The following RBFA variants were observed in gnomAD, a reference collection of about 807,000 sequenced individuals.
RBFA encodes the protein ribosome binding factor A.
RBFA carries 16 observed loss-of-function variants against 27.9 expected under a neutral mutation model. The ratio of observed to expected loss-of-function variants is 0.57; its 90% CI spans 0.39 to 0.87. The LOEUF is 0.87. Among genes scored for constraint, RBFA ranks in the 40% least tolerant of loss-of-function variants. The probability of loss-of-function intolerance (pLI) is 0.00; values close to 1 mark genes in which losing one functional copy is unlikely to be tolerated. For synonymous variants in RBFA, 181 were observed against 181.0 expected, an observed-to-expected ratio of 1.00 and a Z score of 0.00; for missense variants, 456 against 432.1, an observed-to-expected ratio of 1.06 and a Z score of -0.49.
chr18:80,038,684 C>A, intron 4 of RBFA, 67 bp downstream of exon 4: 1 of 1,167,074 alleles, frequency 8.6e-7, no homozygotes, highest in Non-Finnish European at 1.2e-6. Context: ...AGCTGTTTCA[C>A]TTGTAGGTGG....
Position 80,045,925 on chromosome 18 carries a change from G to C in RBFA, c.802G>C (p.Val268Leu). ...GLGGLVWQGQ[V>L]AELTTQMKKG... ...CGGGGGCCTGGTGTGGCAGGGGCAG[G>C]TGGCTGAGCTGACAACGCAGATGAA... The change falls in exon 7 of 7, where the codon GTG (valine) becomes CTG (leucine). Residue 268 changes from valine (V) to leucine (L), a missense_variant. By Grantham distance (32) the Val-to-Leu change is conservative. Transcript: ENST00000306735. 1.2e-6 allele frequency: 2 copies of C among 1,613,880 alleles called. No homozygotes were observed. The highest frequency in any genetic ancestry group is 2.2e-5 in the South Asian group (2 of 91,064).
At chr18:80,039,614 A>G (rs2052003543) in intron 4 of RBFA, among the ~76,000 whole-genome samples, 1 of 152,260 alleles carries the variant, frequency 6.6e-6, no homozygotes, top group Non-Finnish European at 1.5e-5. Flanking sequence ...AGTGAAAATC[A>G]GAATTTTAGG....
intron 4 of RBFA, chr18:80,041,420 G>C (rs568226056): frequency 6.6e-6 from 1 of 152,294 alleles, no homozygotes; most frequent in Admixed American, 6.5e-5. Flanking sequence ...TGATGTGCAT[G>C]ATACAAATAT....
intron 1 of RBFA, 134 bp from the exon 2 acceptor site, chr18:80,036,534 T>G: frequency 2.0e-6 from 1 of 503,302 alleles, no homozygotes; most frequent in Non-Finnish European, 3.5e-6. Context: ...TTCTGAAATT[T>G]TTTAAGATGT....
intron 2 of RBFA, among the ~76,000 whole-genome samples, chr18:80,037,091 A>G (rs2051984351): frequency 6.6e-6 from 1 of 152,248 alleles, no homozygotes; most frequent in South Asian, 2.1e-4. Flanking sequence ...ATATCTCAAC[A>G]AAAACTTTTT....
rs1249521440 is a variant in RBFA, at chr18:80,050,155, T to C, written c.*4000T>C. Among the ~76,000 whole-genome samples, 1 of 152,020 alleles carries C rather than the reference T, an allele frequency of 6.6e-6. No individual in the cohort carries two copies. The highest frequency in any genetic ancestry group is 1.5e-5 in the Non-Finnish European group (1 of 68,006). ...CCTTGAAGGAGAGAGGGCTTGAGTG[T>C]ATTTTGGGGGAAGAATGAGGGGACA... On this transcript the variant is annotated 3_prime_UTR_variant, in exon 7 of 7. Coordinates refer to ENST00000306735, the MANE Select transcript of RBFA (RefSeq NM_024805.3).
Position 80,037,390 on chromosome 18 carries a change from G to T in RBFA, c.262G>T (p.Glu88Ter), listed in dbSNP as rs763770855. The change falls in exon 3 of 7, where the codon GAA becomes TAA. Residue 88 changes from glutamate (E) to a stop codon, truncating the protein, a stop_gained. Transcript: ENST00000306735. LOFTEE classifies it high-confidence loss of function. ...GAGCACCTCAAAGAAAACCAGGAAG[G>T]AAGACCATGCGCGCCTGAGGGCCCT... ...MRSTSKKTRK[E>*]DHARLRALNG... is the part of the protein sequence containing the mutation. 3 of 1,614,128 alleles carry T rather than the reference G, an allele frequency of 1.9e-6. No individual in the cohort carries two copies. The highest frequency in any genetic ancestry group is 2.5e-6 in the Non-Finnish European group (3 of 1,180,024).
In RBFA at chr18:80,045,972, G is replaced by A. The variant is rs769762932; in HGVS notation, c.849G>A (p.Lys283=). ...TQMKKGRKRA[K]PRLEQDSSLK... is the part of the protein sequence containing the mutation. Reference sequence around the variant, plus strand: ...TGAAAAAGGGAAGGAAGAGGGCCAAGCCCCGCCTGGAGCAGGACAGCTCCC... The same window carrying A: ...TGAAAAAGGGAAGGAAGAGGGCCAAACCCCGCCTGGAGCAGGACAGCTCCC... The change falls in exon 7 of 7, where the codon AAG becomes AAA. Residue 283 remains lysine (K), a synonymous_variant. Transcript: ENST00000306735. 1.9e-5 allele frequency: 30 copies of A among 1,614,060 alleles called. No homozygotes were observed. In the South Asian group the frequency reaches 3.3e-4, roughly 18 times the overall value.
At position 80,037,506 on chromosome 18, in the gene RBFA, G is replaced by T. The variant is rs747227340; in HGVS notation, c.378G>T (p.Lys126Asn). The T allele has an allele frequency of 1.3e-5, 20 of 1,599,148 alleles. No individual in the cohort carries two copies. The East Asian group carries it at 4.5e-4, about 36-fold the overall frequency. Residue 126 changes from lysine to asparagine, a missense_variant and splice_region_variant, in exon 3 of 7, where the codon AAG becomes AAT. Transcript: ENST00000306735. Reference protein sequence around the residue: ...ELYDLNVELSKVSLTPDFSAC... With the variant: ...ELYDLNVELSNVSLTPDFSAC... ...ATGACCTTAACGTGGAGCTCTCCAA[G>T]GTAGGCTGTGTGGCCAAAGAGAAGA...
At position 80,037,374 on chromosome 18, in the gene RBFA, A is replaced by C; in HGVS notation, c.246A>C (p.Ser82=). The C allele has an allele frequency of 6.2e-7, 1 of 1,614,092 alleles. No homozygotes were observed. ...TGGAATTCCTCATGAGGAGCACCTCAAAGAAAACCAGGAAGGAAGACCATG... is the reference window on the plus strand; with the variant it reads ...TGGAATTCCTCATGAGGAGCACCTCCAAGAAAACCAGGAAGGAAGACCATG... ...SKLEFLMRST[S]KKTRKEDHAR... Residue 82 remains serine, a synonymous_variant, in exon 3 of 7, where the codon TCA becomes TCC. Coordinates refer to ENST00000306735, the MANE Select transcript of RBFA (RefSeq NM_024805.3).
At chr18:80,034,831 G>A (rs1419763984) in intron 1 of RBFA, 178 bp downstream of exon 1, 4 of 629,080 alleles carry the variant, frequency 6.4e-6, no homozygotes, top group African/African-American at 5.9e-5. Context: ...TTTTGTGTTC[G>A]TGGACGTGTG....
Position 80,046,268 on chromosome 18 carries a change from TCAA to T in RBFA, c.*116_*118del, listed in dbSNP as rs2052053549. ...TTAAACCATCTGCTCTTCTGCTACT[TCAA>T]CATTTTCTAGCTTTTCCGTGTATCT... On this transcript the variant is annotated 3_prime_UTR_variant, in exon 7 of 7. Coordinates refer to ENST00000306735, the MANE Select transcript of RBFA (RefSeq NM_024805.3). The T allele has an allele frequency of 3.3e-6, 4 of 1,214,324 alleles. No homozygotes were observed. The East Asian group carries it at 1.0e-4, about 31-fold the overall frequency. 75.2% of individuals were successfully genotyped at this position (1,214,324 alleles called of 1,614,324 possible). A position where few individuals can be genotyped will look rare whatever the true frequency, so the allele number is the denominator to read the frequency against.
In RBFA at chr18:80,048,617, C is replaced by T. The variant is rs2145153075; in HGVS notation, c.*2462C>T. On this transcript the variant is annotated 3_prime_UTR_variant, in exon 7 of 7. Coordinates refer to ENST00000306735, the MANE Select transcript of RBFA (RefSeq NM_024805.3). Reference sequence around the variant, plus strand: ...GAAGGTAGAGTTAGGCCCAGAGAGCCCCAGGCTGCTGCCCAGACCTCCACG... The same window carrying T: ...GAAGGTAGAGTTAGGCCCAGAGAGCTCCAGGCTGCTGCCCAGACCTCCACG... Among the ~76,000 whole-genome samples the T allele has an allele frequency of 6.6e-6, 1 of 152,312 alleles. No individual in the cohort carries two copies. Among genetic ancestry groups the T allele is most frequent in the South Asian group, 2.1e-4 (1 of 4,830 alleles).
At chr18:80,037,560 T>TA in intron 3 of RBFA, 54 bp downstream of exon 3, 1 of 1,486,670 alleles carries the variant, frequency 6.7e-7, no homozygotes, top group Non-Finnish European at 9.2e-7. Flanking sequence ...GCCTGGCACT[T>TA]ACTTTACCTG....
chr18:80,041,854 G>A, intron 4 of RBFA: 1 of 170,780 alleles, frequency 5.9e-6, no homozygotes, highest in Non-Finnish European at 1.3e-5. Flanking sequence ...AGCCTCCCGA[G>A]TAGCTGGGAC....
chr18:80,045,750 G>A, intron 6 of RBFA, 24 bp from the exon 7 acceptor site: 3 of 1,510,424 alleles, frequency 2.0e-6, no homozygotes, highest in South Asian at 2.7e-5. Flanking sequence ...TGTGCTTGGT[G>A]TGAAGCCTCT....
At chr18:80,039,751 A>G (rs1036057908) in intron 4 of RBFA, among the ~76,000 whole-genome samples, 2 of 152,222 alleles carry the variant, frequency 1.3e-5, no homozygotes, top group African/African-American at 4.8e-5. Context: ...TAAAATCTGC[A>G]TAACTAGGTG....
rs752167329 is a variant in RBFA, at chr18:80,049,345, C to T, written c.*3190C>T. Among the ~76,000 whole-genome samples, 2 of 152,110 alleles carry T rather than the reference C, an allele frequency of 1.3e-5. No individual in the cohort carries two copies. Among genetic ancestry groups the T allele is most frequent in the Non-Finnish European group, 2.9e-5 (2 of 67,988 alleles). Reference sequence around the variant, plus strand: ...AGCAGGTTAGGGACATGGAAGCTCACGCCCTTCTGAATGGGTCCACTCCCG... The same window carrying T: ...AGCAGGTTAGGGACATGGAAGCTCATGCCCTTCTGAATGGGTCCACTCCCG... On this transcript the variant is annotated 3_prime_UTR_variant, in exon 7 of 7. Transcript: ENST00000306735.
chr18:80,036,611 C>T, intron 1 of RBFA, 57 bp from the exon 2 acceptor site: 2 of 1,294,888 alleles, frequency 1.5e-6, no homozygotes, highest in Non-Finnish European at 2.2e-6. Flanking sequence ...CTTAAATTAG[C>T]TTATGTAACT....
Sources: allele counts gnomAD v4.1 joint callset (sites outside exome capture counted in the v4.1 genomes callset), GRCh38; gene constraint gnomAD v4.1.1; transcripts MANE v1.5; gene names NCBI Gene and HGNC (gene_info 2026-07-23, HGNC 2026-07-21).